Variants in GNAL observed in about 807,000 individuals in gnomAD.
GNAL encodes the protein G protein subunit alpha L, also known as guanine nucleotide-binding protein G(olf) subunit alpha.
A neutral mutation model predicts 55.1 loss-of-function variants in GNAL; 18 were observed. That is an observed-to-expected ratio of 0.33 (90% CI 0.23 to 0.48). The LOEUF (loss-of-function observed/expected upper bound fraction) is 0.48, where lower values mean the gene tolerates loss of function less well. Ranked by LOEUF, GNAL falls within the 20% of genes least tolerant of loss-of-function variation. GNAL has a pLI of 0.99. For missense variants in GNAL, 412 were observed against 614.1 expected (o/e 0.67, Z 3.48); for synonymous variants, 253 against 237.0 (o/e 1.07, Z -0.62).
At chr18:11,793,293 T>G (rs889109888) in intron 4 of GNAL, among the ~76,000 whole-genome samples, 2 of 152,216 alleles carry the variant, frequency 1.3e-5, no homozygotes, top group Non-Finnish European at 2.9e-5. Flanking sequence ...AAAGAATTTT[T>G]GCTTGGGTGC....
chr18:11,703,490 A>G (rs2031627293), intron 1 of GNAL, among the ~76,000 whole-genome samples: 4 of 152,220 alleles, frequency 2.6e-5, no homozygotes, highest in African/African-American at 9.6e-5. Context: ...GCCAATTAAG[A>G]AACAGTTATG....
chr18:11,785,387 A>T (rs2034028983), intron 4 of GNAL, among the ~76,000 whole-genome samples: 1 of 152,188 alleles, frequency 6.6e-6, no homozygotes, highest in Non-Finnish European at 1.5e-5. Context: ...GTATGCCTCC[A>T]AGCCCCCAAT....
chr18:11,733,095 T>TC (rs1555644294), intron 1 of GNAL, among the ~76,000 whole-genome samples: 1 of 152,174 alleles, frequency 6.6e-6, no homozygotes, highest in East Asian at 1.9e-4. Flanking sequence ...GAGAAGACTC[T>TC]GATCTGTGCT....
In GNAL at chr18:11,868,797, G is replaced by A. The variant is rs914670530; in HGVS notation, c.1031+134G>A. 3.0e-6 allele frequency: 2 copies of A among 671,100 alleles called. No homozygotes were observed. Among genetic ancestry groups the A allele is most frequent in the Non-Finnish European group, 4.9e-6 (2 of 406,910 alleles). 41.6% of individuals were successfully genotyped at this position (671,100 alleles called of 1,614,324 possible). On this transcript the variant is annotated intron_variant, in intron 9 of 11. Transcript: ENST00000334049. The surrounding 1 kb of genome is among the most constrained non-coding windows in gnomAD (Gnocchi z 4.0). ...AGGCCGAGGCAGGTGTGTCACTTGA[G>A]CTCAGCAGTTGGAGACTAGCCTGGG...
chr18:11,739,303 C>T (rs889528755), intron 1 of GNAL, among the ~76,000 whole-genome samples: 23 of 152,356 alleles, frequency 1.5e-4, no homozygotes, highest in Admixed American at 4.6e-4. Context: ...CATTTGCATA[C>T]ATTCTGTAGA....
chr18:11,875,019 A>G (rs947657044), intron 10 of GNAL, among the ~76,000 whole-genome samples: 1 of 152,204 alleles, frequency 6.6e-6, no homozygotes, highest in African/African-American at 2.4e-5. Context: ...ACAGAAAATA[A>G]TGATAGGACC....
chr18:11,861,937 C>T (rs947831528), intron 5 of GNAL, among the ~76,000 whole-genome samples: 2 of 148,718 alleles, frequency 1.3e-5, no homozygotes, highest in African/African-American at 2.5e-5. Flanking sequence ...CACACTCAGT[C>T]GCTCTTACAC....
chr18:11,860,353 C>G (rs1303688956), intron 5 of GNAL, among the ~76,000 whole-genome samples: 1 of 152,142 alleles, frequency 6.6e-6, no homozygotes, highest in East Asian at 1.9e-4. Context: ...TCTAGCTTTC[C>G]AAAAGGAAGG....
intron 1 of GNAL, among the ~76,000 whole-genome samples, chr18:11,709,931 G>T (rs1225663296): frequency 6.6e-6 from 1 of 152,104 alleles, no homozygotes; most frequent in East Asian, 1.9e-4. Flanking sequence ...AATATTAGCT[G>T]TGGGCTTTTC....
Position 11,736,388 on chromosome 18 carries a change from C to G in GNAL, c.377-16465C>G, listed in dbSNP as rs151169651. The stretch of plus-strand genomic sequence containing the variant: ...CCAGCCTGGGCAACAGAGCAAGACC[C>G]TATCTCTATTATTTTTTAAAGATAC... On this transcript the variant is annotated intron_variant, in intron 1 of 11. Coordinates refer to ENST00000334049, the MANE Select transcript of GNAL (RefSeq NM_182978.4). Among the ~76,000 whole-genome samples the G allele has an allele frequency of 2.2e-3, 334 of 152,242 alleles. 1 individual carries two copies. The highest frequency in any genetic ancestry group is 3.9e-3 in the Non-Finnish European group (263 of 68,008).
intron 4 of GNAL, among the ~76,000 whole-genome samples, chr18:11,790,212 G>A (rs1326256347): frequency 1.3e-5 from 2 of 152,102 alleles, no homozygotes; most frequent in Non-Finnish European, 2.9e-5. Flanking sequence ...TTTTGTGCAA[G>A]TGGGCAGGGG....
intron 6 of GNAL, 108 bp downstream of exon 6, chr18:11,862,557 C>A: frequency 1.1e-6 from 1 of 942,604 alleles, no homozygotes; most frequent in East Asian, 2.6e-5. Flanking sequence ...CTTAAGATAC[C>A]TACTTTTTGC....
At chr18:11,760,938 C>A (rs573553431) in intron 4 of GNAL, among the ~76,000 whole-genome samples, 1 of 152,172 alleles carries the variant, frequency 6.6e-6, no homozygotes, top group Non-Finnish European at 1.5e-5. Context: ...CTTCCTGTGG[C>A]TGATGTGAGG....
intron 5 of GNAL, among the ~76,000 whole-genome samples, chr18:11,837,211 G>A (rs552201375): frequency 1.3e-5 from 2 of 152,164 alleles, no homozygotes; most frequent in East Asian, 1.9e-4. Flanking sequence ...GGCTGGTCTC[G>A]AACTCCTGGC....
chr18:11,719,563 C>T (rs975176397), intron 1 of GNAL, among the ~76,000 whole-genome samples: 10 of 152,174 alleles, frequency 6.6e-5, no homozygotes, highest in Admixed American at 5.2e-4. Context: ...AAGAAATCCA[C>T]GAAAATCTGG....
intron 5 of GNAL, among the ~76,000 whole-genome samples, chr18:11,856,318 A>C (rs2036007128): frequency 6.6e-6 from 1 of 151,326 alleles, no homozygotes; most frequent in Non-Finnish European, 1.5e-5. Context: ...GGGCCAGGCA[A>C]TGTCTGTCAT....
intron 5 of GNAL, among the ~76,000 whole-genome samples, chr18:11,855,515 T>G (rs528322161): frequency 5.0e-4 from 76 of 152,346 alleles, no homozygotes; most frequent in South Asian, 3.3e-3. Flanking sequence ...ACTTTTAGTT[T>G]ATTTCAGTTC....
chr18:11,732,363 A>G (rs1264923831), intron 1 of GNAL, among the ~76,000 whole-genome samples: 4 of 152,214 alleles, frequency 2.6e-5, no homozygotes. Context: ...TATTGTAGCC[A>G]TCCTAGTGGA....
intron 4 of GNAL, among the ~76,000 whole-genome samples, chr18:11,803,055 A>G (rs1025527308): frequency 6.6e-6 from 1 of 152,186 alleles, no homozygotes; most frequent in Non-Finnish European, 1.5e-5. Context: ...TGTTTTCATA[A>G]TATATTCTTT....
Sources: allele counts gnomAD v4.1 joint callset (sites outside exome capture counted in the v4.1 genomes callset), GRCh38; gene constraint gnomAD v4.1.1; non-coding constraint Gnocchi (gnomAD v3.1); transcripts MANE v1.5; gene names NCBI Gene and HGNC (gene_info 2026-07-23, HGNC 2026-07-21).